The following LRRC4C variants were observed in gnomAD, a reference collection of about 807,000 sequenced individuals.
The protein encoded by LRRC4C is leucine-rich repeat-containing protein 4C.
Under a neutral mutation model 33.6 loss-of-function variants are expected in LRRC4C, and 5 were observed. The observed-to-expected ratio is 0.15, with a 90% CI of 0.08 to 0.31. LRRC4C has a LOEUF of 0.31. Ranked by LOEUF, LRRC4C falls within the 10% of genes least tolerant of loss-of-function variation. The probability of loss-of-function intolerance (pLI) is 1.00; values close to 1 mark genes in which losing one functional copy is unlikely to be tolerated. For missense variants in LRRC4C, 560 were observed against 796.7 expected, an observed-to-expected ratio of 0.70 and a Z score of 3.58; for synonymous variants, 329 against 302.0, an observed-to-expected ratio of 1.09 and a Z score of -0.93.
intron 1 of LRRC4C, among the ~76,000 whole-genome samples, chr11:41,255,487 T>C (rs1948770688): frequency 6.6e-6 from 1 of 152,032 alleles, no homozygotes; most frequent in Non-Finnish European, 1.5e-5. Context: ...TGAGGCATAT[T>C]GAGACTTGGT....
At chr11:41,262,644 A>T (rs1361262944) in intron 1 of LRRC4C, among the ~76,000 whole-genome samples, 4 of 152,116 alleles carry the variant, frequency 2.6e-5, no homozygotes, top group Non-Finnish European at 5.9e-5. Context: ...AAGCAAAGCA[A>T]GTCCTTATTT....
At chr11:40,458,162 A>T (rs1050593021) in intron 3 of LRRC4C, among the ~76,000 whole-genome samples, 1 of 152,146 alleles carries the variant, frequency 6.6e-6, no homozygotes, top group Non-Finnish European at 1.5e-5. Context: ...TACGGAGAAG[A>T]TGTTGAATTT....
chr11:40,555,374 A>G (rs1438746679), intron 3 of LRRC4C, among the ~76,000 whole-genome samples: 1 of 152,168 alleles, frequency 6.6e-6, no homozygotes, highest in Non-Finnish European at 1.5e-5. Flanking sequence ...CTGAAATATT[A>G]TTACTGGTAT....
intron 1 of LRRC4C, among the ~76,000 whole-genome samples, chr11:41,117,256 G>A (rs1411587384): frequency 6.6e-6 from 1 of 152,164 alleles, no homozygotes; most frequent in African/African-American, 2.4e-5. Flanking sequence ...GCTGACTGCA[G>A]CACTGAGAAC....
chr11:41,252,492 G>A (rs1948672192), intron 1 of LRRC4C, among the ~76,000 whole-genome samples: 1 of 152,120 alleles, frequency 6.6e-6, no homozygotes, highest in Non-Finnish European at 1.5e-5. Flanking sequence ...CAATAGTCAG[G>A]AGGAAAACTT....
intron 1 of LRRC4C, among the ~76,000 whole-genome samples, chr11:40,974,475 T>A (rs901956429): frequency 1.3e-5 from 2 of 152,346 alleles, no homozygotes; most frequent in Middle Eastern, 3.4e-3. Context: ...AAAGTGAATG[T>A]TGGATTAATA....
At chr11:40,985,847 A>T (rs1852950345) in intron 1 of LRRC4C, among the ~76,000 whole-genome samples, 1 of 152,174 alleles carries the variant, frequency 6.6e-6, no homozygotes, top group Admixed American at 6.5e-5. Context: ...GATAGTATTC[A>T]TTGTGTCACT....
chr11:40,635,104 C>T (rs1963838218), intron 3 of LRRC4C, among the ~76,000 whole-genome samples: 1 of 152,124 alleles, frequency 6.6e-6, no homozygotes, highest in South Asian at 2.1e-4. Flanking sequence ...CCCAACACTC[C>T]TATACCTCCA....
intron 2 of LRRC4C, among the ~76,000 whole-genome samples, chr11:40,754,919 G>A (rs1948872600): frequency 6.6e-6 from 1 of 151,960 alleles, no homozygotes; most frequent in African/African-American, 2.4e-5. Context: ...AGGTCCCTTG[G>A]TGAATGTAAT....
intron 3 of LRRC4C, among the ~76,000 whole-genome samples, chr11:40,547,460 C>T (rs951346226): frequency 7.2e-5 from 11 of 152,126 alleles, no homozygotes; most frequent in South Asian, 2.1e-4. Context: ...GTTCCCTGAA[C>T]GAATATATCA....
chr11:40,282,587 T>A (rs1943553902), intron 4 of LRRC4C, among the ~76,000 whole-genome samples: 1 of 152,098 alleles, frequency 6.6e-6, no homozygotes, highest in Non-Finnish European at 1.5e-5. Flanking sequence ...ATCTCTAAAC[T>A]GGAAATAATC....
At chr11:41,198,162 G>T (rs1488822808) in intron 1 of LRRC4C, among the ~76,000 whole-genome samples, 2 of 151,922 alleles carry the variant, frequency 1.3e-5, no homozygotes, top group Non-Finnish European at 2.9e-5. Context: ...TAAATCTATA[G>T]ATTTTTGAAC....
intron 1 of LRRC4C, among the ~76,000 whole-genome samples, chr11:41,025,174 C>A (rs1856256237): frequency 6.6e-6 from 1 of 151,380 alleles, no homozygotes; most frequent in Admixed American, 6.6e-5. Flanking sequence ...TTAAGTTTGC[C>A]AGTGAAAGGA....
At chr11:40,887,982 A>T (rs974247441) in intron 2 of LRRC4C, among the ~76,000 whole-genome samples, 1 of 151,922 alleles carries the variant, frequency 6.6e-6, no homozygotes, top group African/African-American at 2.4e-5. Context: ...TTATTATTTT[A>T]AAAAAAGATA....
At chr11:41,398,120 G>A (rs934584836) in intron 1 of LRRC4C, among the ~76,000 whole-genome samples, 1 of 151,852 alleles carries the variant, frequency 6.6e-6, no homozygotes, top group African/African-American at 2.4e-5. Context: ...AAGACCTTGG[G>A]AATTACTGGA....
chr11:40,752,400 C>A (rs1948735650), intron 2 of LRRC4C, among the ~76,000 whole-genome samples: 1 of 151,812 alleles, frequency 6.6e-6, no homozygotes, highest in Non-Finnish European at 1.5e-5. Context: ...AAGAATGCAA[C>A]AATATATAAA....
intron 2 of LRRC4C, among the ~76,000 whole-genome samples, chr11:40,858,174 C>T (rs928225478): frequency 6.6e-6 from 1 of 152,066 alleles, no homozygotes; most frequent in South Asian, 2.1e-4. Context: ...AGTCGTCATA[C>T]GTAGTTAGTA....
intron 4 of LRRC4C, among the ~76,000 whole-genome samples, chr11:40,260,216 A>G (rs1480375537): frequency 8.1e-6 from 1 of 122,928 alleles, no homozygotes; most frequent in Non-Finnish European, 1.7e-5. Flanking sequence ...ATGGAATACT[A>G]TGCAGCCATA....
intron 3 of LRRC4C, among the ~76,000 whole-genome samples, chr11:40,602,602 G>A (rs138069019): frequency 1.2e-3 from 176 of 151,866 alleles, no homozygotes; most frequent in Non-Finnish European, 2.2e-3. Context: ...AGAAAATGAA[G>A]GATTAAGGAA....
Sources: gnomAD v4.1 joint callset for allele counts (sites outside exome capture counted in the v4.1 genomes callset) on GRCh38, gnomAD v4.1.1 for gene constraint, MANE v1.5 for transcripts, NCBI Gene and HGNC (gene_info 2026-07-23, HGNC 2026-07-21) for gene names.